Variants in LRRC4C observed in about 807,000 individuals in gnomAD.
LRRC4C encodes the protein leucine-rich repeat-containing protein 4C.
In LRRC4C, 5 loss-of-function variants were observed where a neutral mutation model predicts 33.6. The observed-to-expected ratio is 0.15, with a 90% CI of 0.08 to 0.31. The LOEUF is 0.31. LRRC4C is among the 10% of genes least tolerant of loss of function. The probability of loss-of-function intolerance (pLI) is 1.00; values close to 1 mark genes in which losing one functional copy is unlikely to be tolerated. For missense variants in LRRC4C, 560 were observed against 796.7 expected (o/e 0.70, Z 3.58); for synonymous variants, 329 against 302.0 (o/e 1.09, Z -0.93).
intron 1 of LRRC4C, among the ~76,000 whole-genome samples, chr11:41,108,796 C>G (rs928334231): frequency 6.6e-6 from 1 of 152,024 alleles, no homozygotes; most frequent in Non-Finnish European, 1.5e-5. Context: ...TTCTTGTATG[C>G]TATGATGACT....
At chr11:40,581,496 G>A (rs1958463001) in intron 3 of LRRC4C, among the ~76,000 whole-genome samples, 1 of 151,996 alleles carries the variant, frequency 6.6e-6, no homozygotes, top group South Asian at 2.1e-4. Context: ...ATTTTCTTAT[G>A]TTTCTGTTTT....
intron 3 of LRRC4C, among the ~76,000 whole-genome samples, chr11:40,605,333 T>C (rs1004963119): frequency 6.6e-6 from 1 of 152,144 alleles, no homozygotes; most frequent in African/African-American, 2.4e-5. Context: ...AATGTGAGAA[T>C]GTGAATATAA....
In LRRC4C at chr11:41,015,106, T is replaced by A. The variant is rs557467985; in HGVS notation, c.-495-81383A>T. Among the ~76,000 whole-genome samples the A allele has an allele frequency of 3.3e-5, 5 of 152,292 alleles. No individual in the cohort carries two copies. In the South Asian group the frequency reaches 6.2e-4, roughly 19 times the overall value. ...GTTTCTAAGCCAGAAAAAATGCTCA[T>A]ATCTGAACATTCTCTAGTTTAAATG... is the stretch of plus-strand genomic sequence containing the variant. On this transcript the variant is annotated intron_variant, in intron 1 of 6. Transcript: ENST00000528697.
intron 1 of LRRC4C, among the ~76,000 whole-genome samples, chr11:40,938,496 A>G (rs955762095): frequency 1.3e-5 from 2 of 152,156 alleles, no homozygotes; most frequent in African/African-American, 4.8e-5. Flanking sequence ...CTATGTGTCA[A>G]TATTATGGTA....
Position 40,261,419 on chromosome 11 carries a change from C to T in LRRC4C, c.-175-19821G>A, listed in dbSNP as rs145985717. 1.7e-3 allele frequency among the ~76,000 whole-genome samples: 256 copies of T among 151,946 alleles called. 2 individuals are homozygous for T. The highest frequency in any genetic ancestry group is 5.4e-3 in the African/African-American group (223 of 41,418). Reference sequence around the variant, plus strand: ...AGAAGGGAAGATCATTTGTTAAGGCCGATATATTTTCCAGTGTGAAGGAGA... The same window carrying T: ...AGAAGGGAAGATCATTTGTTAAGGCTGATATATTTTCCAGTGTGAAGGAGA... On this transcript the variant is annotated intron_variant, in intron 4 of 6. Transcript: ENST00000528697.
chr11:41,289,603 G>C (rs564528942), intron 1 of LRRC4C, among the ~76,000 whole-genome samples: 22 of 152,316 alleles, frequency 1.4e-4, no homozygotes, highest in Admixed American at 2.6e-4. Flanking sequence ...ACAGTACACA[G>C]TGAGAAGCAG....
At chr11:40,702,345 A>AAAG (rs1181000768) in intron 2 of LRRC4C, among the ~76,000 whole-genome samples, 9 of 152,124 alleles carry the variant, frequency 5.9e-5, no homozygotes, top group Admixed American at 5.9e-4. Flanking sequence ...TTTTATGAAA[A>AAAG]AAGTCTCTCT....
intron 3 of LRRC4C, among the ~76,000 whole-genome samples, chr11:40,449,804 C>A (rs537953815): frequency 1.7e-4 from 26 of 152,212 alleles, no homozygotes; most frequent in South Asian, 6.2e-4. Context: ...ATAAATATAG[C>A]AGGTGCTCTT....
intron 1 of LRRC4C, among the ~76,000 whole-genome samples, chr11:41,174,740 T>C (rs1945122030): frequency 6.6e-6 from 1 of 152,212 alleles, no homozygotes; most frequent in South Asian, 2.1e-4. Flanking sequence ...TTCACATGTT[T>C]ATACCTTTGG....
chr11:40,720,753 A>G (rs1401589143), intron 2 of LRRC4C, among the ~76,000 whole-genome samples: 2 of 152,360 alleles, frequency 1.3e-5, no homozygotes, highest in East Asian at 1.9e-4. Context: ...GAATCATTTT[A>G]TCATTAAAGA....
At chr11:41,353,089 G>T (rs1172250127) in intron 1 of LRRC4C, among the ~76,000 whole-genome samples, 1 of 151,900 alleles carries the variant, frequency 6.6e-6, no homozygotes, top group African/African-American at 2.4e-5. Flanking sequence ...AAAACCAAAA[G>T]TTGGTACTTT....
intron 1 of LRRC4C, among the ~76,000 whole-genome samples, chr11:41,075,645 T>G (rs12577314): frequency 0.34 from 51,204 of 152,074 alleles, 10,271 homozygotes; most frequent in South Asian, 0.45. Flanking sequence ...AATCTGAAAC[T>G]TCTCATAATT....
chr11:40,654,509 T>A (rs1234221434), intron 2 of LRRC4C, among the ~76,000 whole-genome samples: 1 of 152,206 alleles, frequency 6.6e-6, no homozygotes, highest in African/African-American at 2.4e-5. Context: ...TACAGCCCCT[T>A]TGTTTTGGCC....
chr11:40,463,562 C>T lies in LRRC4C; in HGVS notation c.-269-143841G>A, dbSNP rs566344383. ...TAGGATCTCACACTATCATTATCAA[C>T]AAAAGGCTGGAAATAACTCAATGTA... On this transcript the variant is annotated intron_variant, in intron 3 of 6. Transcript: ENST00000528697. Among the ~76,000 whole-genome samples the T allele has an allele frequency of 3.9e-5, 6 of 152,116 alleles. 1 individual carries two copies. The highest frequency in any genetic ancestry group is 2.1e-4 in the South Asian group (1 of 4,826).
intron 3 of LRRC4C, among the ~76,000 whole-genome samples, chr11:40,375,908 G>A (rs1000113320): frequency 6.6e-6 from 1 of 152,084 alleles, no homozygotes; most frequent in East Asian, 1.9e-4. Flanking sequence ...ATCTCTAGGT[G>A]CCTGAGTTAA....
chr11:40,487,530 T>C (rs913350818), intron 3 of LRRC4C, among the ~76,000 whole-genome samples: 7 of 152,016 alleles, frequency 4.6e-5, no homozygotes, highest in Admixed American at 1.3e-4. Flanking sequence ...ACTAGAATCA[T>C]AGGTATTGTG....
At chr11:41,084,805 C>T (rs557356249) in intron 1 of LRRC4C, among the ~76,000 whole-genome samples, 10 of 152,208 alleles carry the variant, frequency 6.6e-5, no homozygotes, top group African/African-American at 1.2e-4. Context: ...GCCAAGATCA[C>T]GCCACTACAC....
chr11:40,923,420 A>G (rs1408951185), intron 2 of LRRC4C, among the ~76,000 whole-genome samples: 2 of 152,176 alleles, frequency 1.3e-5, no homozygotes, highest in Admixed American at 6.5e-5. Context: ...GTGGCAGTGT[A>G]TATTGCTTTG....
intron 1 of LRRC4C, among the ~76,000 whole-genome samples, chr11:40,978,986 C>A (rs918568457): frequency 1.3e-5 from 2 of 152,008 alleles, no homozygotes; most frequent in Non-Finnish European, 2.9e-5. Context: ...TATATGAATT[C>A]ACTATACTTA....
Sources: allele counts gnomAD v4.1 joint callset (sites outside exome capture counted in the v4.1 genomes callset), GRCh38; gene constraint gnomAD v4.1.1; transcripts MANE v1.5; gene names NCBI Gene and HGNC (gene_info 2026-07-23, HGNC 2026-07-21).